Variants in PI4KA observed in about 807,000 individuals in gnomAD.
PI4KA encodes phosphatidylinositol 4-kinase alpha.
Under a neutral mutation model 271.4 loss-of-function variants are expected in PI4KA, and 122 were observed. The ratio of observed to expected loss-of-function variants is 0.45; its 90% CI spans 0.39 to 0.52. The LOEUF (loss-of-function observed/expected upper bound fraction) is 0.52, where lower values mean the gene tolerates loss of function less well. PI4KA is among the 20% of genes least tolerant of loss of function. The pLI, the probability that PI4KA is intolerant of heterozygous loss-of-function variation, is 0.00. For missense variants in PI4KA, 1,969 were observed against 2,769.1 expected, an observed-to-expected ratio of 0.71 and a Z score of 6.48; for synonymous variants, 1,041 against 1,078.8, an observed-to-expected ratio of 0.96 and a Z score of 0.69.
At chr22:20,746,909 C>A (rs1365672043) in intron 29 of PI4KA, among the ~76,000 whole-genome samples, 1 of 152,220 alleles carries the variant, frequency 6.6e-6, no homozygotes, top group Non-Finnish European at 1.5e-5. Flanking sequence ...AGGCCTGTCA[C>A]CCTTCCTCCT....
chr22:20,858,340 G>A (rs1927891998), intron 1 of PI4KA, among the ~76,000 whole-genome samples: 1 of 144,818 alleles, frequency 6.9e-6, no homozygotes, highest in Non-Finnish European at 1.5e-5. Context: ...CCACCCACCT[G>A]CAGCGGCCCT....
intron 32 of PI4KA, among the ~76,000 whole-genome samples, chr22:20,740,515 T>C (rs980080425): frequency 1.3e-5 from 2 of 151,222 alleles, no homozygotes; most frequent in Non-Finnish European, 2.9e-5. Context: ...TTTCCAAGTT[T>C]GATGAAAATC....
intron 19 of PI4KA, chr22:20,784,351 T>C: frequency 6.8e-7 from 1 of 1,478,154 alleles, no homozygotes; most frequent in South Asian, 1.2e-5. Flanking sequence ...TATGTACAAG[T>C]ACCCAAGAAC....
intron 1 of PI4KA, among the ~76,000 whole-genome samples, chr22:20,839,596 C>A (rs1925300775): frequency 6.6e-6 from 1 of 152,166 alleles, no homozygotes; most frequent in Admixed American, 6.5e-5. Flanking sequence ...CTTTGGTAGG[C>A]CGAGGCAGGC....
rs987166412 is a variant in PI4KA, at chr22:20,799,588, A to G, written c.1820+83T>C. ...GAGACAAGGAGATAAGGACAGAGGC[A>G]TGCATACGCACAATGCCAGGTGCCC... is the stretch of plus-strand genomic sequence containing the variant. On this transcript the variant is annotated intron_variant, in intron 15 of 54. Coordinates refer to ENST00000255882, the MANE Select transcript of PI4KA (RefSeq NM_058004.4). 21 of 925,438 alleles carry G rather than the reference A, an allele frequency of 2.3e-5. No individual in the cohort carries two copies. The Middle Eastern group carries it at 1.8e-3, about 81-fold the overall frequency. 57.3% of individuals were successfully genotyped at this position (925,438 alleles called of 1,614,324 possible).
chr22:20,712,342 A>ACCGTGC (rs1358678649), intron 50 of PI4KA, 144 bp downstream of exon 50: 21 of 1,544,308 alleles, frequency 1.4e-5, no homozygotes, highest in Admixed American at 9.8e-5. Context: ...GGTGTGAGCC[A>ACCGTGC]CCGTGCCCGG....
At chr22:20,793,123 G>T in intron 19 of PI4KA, 70 bp downstream of exon 19, 1 of 926,450 alleles carries the variant, frequency 1.1e-6, no homozygotes, top group Non-Finnish European at 1.8e-6. Context: ...TTTACTGTGC[G>T]TCACCAGGCA....
At chr22:20,794,279 G>T (rs1039872255) in intron 18 of PI4KA, among the ~76,000 whole-genome samples, 6 of 152,162 alleles carry the variant, frequency 3.9e-5, no homozygotes, top group African/African-American at 1.4e-4. Context: ...CCACAAGGTG[G>T]GGCACTGAGG....
chr22:20,805,492 C>T (rs892237492), intron 10 of PI4KA, among the ~76,000 whole-genome samples: 25 of 152,248 alleles, frequency 1.6e-4, no homozygotes, highest in African/African-American at 5.3e-4. Flanking sequence ...GGAACTACTT[C>T]CACTGACAAT....
chr22:20,748,681 T>C (rs1051619531), intron 28 of PI4KA, among the ~76,000 whole-genome samples: 1 of 152,194 alleles, frequency 6.6e-6, no homozygotes, highest in Admixed American at 6.5e-5. Context: ...AGTATATACA[T>C]GCAGAATTGT....
chr22:20,824,251 TA>T, intron 4 of PI4KA, 74 bp downstream of exon 4: 1 of 957,740 alleles, frequency 1.0e-6, no homozygotes, highest in Non-Finnish European at 1.7e-6. Flanking sequence ...TTCACGTTTT[TA>T]AAATCTTTTC....
chr22:20,785,067 C>CCTTTTTTTT (rs1555894633), intron 19 of PI4KA, among the ~76,000 whole-genome samples: 2 of 134,452 alleles, frequency 1.5e-5, no homozygotes, highest in Non-Finnish European at 1.6e-5. Flanking sequence ...GGGACTGCAT[C>CCTTTTTTTT]TTTTTTTTTT....
Position 20,793,204 on chromosome 22 carries a change from C to G in PI4KA, c.2317G>C (p.Val773Leu), listed in dbSNP as rs1251444425. Residue 773 changes from valine to leucine, a missense_variant, in exon 19 of 55, where the codon GTA becomes CTA. Physicochemically the swap from Val to Leu is conservative, Grantham distance 32 (BLOSUM62 1). Around this residue, in one of 13 missense-constraint regions of PI4KA, gnomAD observed 368 missense variants for 544.3 expected, o/e 0.68. Coordinates refer to ENST00000255882, the MANE Select transcript of PI4KA (RefSeq NM_058004.4). ...TAATGAATACTCACCACAGCTATTA[C>G]AGGAATGAGTACTCCCAAGTTCCCT... ...SAGNLGVLIP[V>L]IAVLTRRLPP... 7 of 1,565,340 alleles carry G rather than the reference C, an allele frequency of 4.5e-6. No individual in the cohort carries two copies. The highest frequency in any genetic ancestry group is 6.2e-6 in the Non-Finnish European group (7 of 1,135,958).
In PI4KA at chr22:20,719,455, T is replaced by C. The variant is rs390513; in HGVS notation, c.5117-633A>G. Among the ~76,000 whole-genome samples the C allele has an allele frequency of 6.7e-3, 1,009 of 150,560 alleles. 6 individuals are homozygous for C. The highest frequency in any genetic ancestry group is 0.023 in the African/African-American group (914 of 40,128). On this transcript the variant is annotated intron_variant, in intron 43 of 54. Coordinates refer to ENST00000255882, the MANE Select transcript of PI4KA (RefSeq NM_058004.4). ...TTTTAAAGTATCCTTTGTGATGAAA[T>C]GGGATGTGCACGAAGCACTCTTGCC...
chr22:20,715,197 A>G (rs568602920), intron 45 of PI4KA, among the ~76,000 whole-genome samples: 2 of 151,550 alleles, frequency 1.3e-5, no homozygotes, highest in Admixed American at 6.6e-5. Context: ...CAGCCTCCTG[A>G]GTAGCTGGGA....
chr22:20,757,642 C>G (rs372178893), intron 23 of PI4KA, among the ~76,000 whole-genome samples: 8 of 152,034 alleles, frequency 5.3e-5, no homozygotes, highest in African/African-American at 1.7e-4. Context: ...CTCCCAGGTT[C>G]AAGTGATTCT....
intron 23 of PI4KA, among the ~76,000 whole-genome samples, chr22:20,757,403 G>GGA (rs1931428194): frequency 1.3e-5 from 2 of 152,084 alleles, no homozygotes; most frequent in South Asian, 4.1e-4. Flanking sequence ...TCAGTCCCCC[G>GGA]GAACAATTTA....
chr22:20,846,835 CAAAAAAAAAAAA>C (rs361933), intron 1 of PI4KA, among the ~76,000 whole-genome samples: 10 of 61,750 alleles, frequency 1.6e-4, no homozygotes, highest in Admixed American at 4.4e-4. Context: ...AGTGCAGGCT[CAAAAAAAAAAAA>C]AAAAAAAAAA....
intron 1 of PI4KA, among the ~76,000 whole-genome samples, chr22:20,843,666 C>T (rs1402546933): frequency 6.6e-6 from 1 of 152,102 alleles, no homozygotes; most frequent in Non-Finnish European, 1.5e-5. Flanking sequence ...AACCAGCAAA[C>T]GTTCACTTTC....
Sources: gnomAD v4.1 joint callset for allele counts (sites outside exome capture counted in the v4.1 genomes callset) on GRCh38, gnomAD v4.1.1 for gene constraint, gnomAD v4.1.1 regional missense constraint, MANE v1.5 for transcripts, NCBI Gene and HGNC (gene_info 2026-07-23, HGNC 2026-07-21) for gene names.